The following CREB5 variants were observed in gnomAD, a reference collection of about 807,000 sequenced individuals.
CREB5 encodes the protein cAMP responsive element binding protein 5, also known as cyclic AMP-responsive element-binding protein 5.
In CREB5, 19 loss-of-function variants were observed where a neutral mutation model predicts 57.1. The observed-to-expected ratio is 0.33, with a 90% confidence interval of 0.23 to 0.49. The LOEUF (loss-of-function observed/expected upper bound fraction) is 0.49, where lower values mean the gene tolerates loss of function less well. CREB5 is among the 20% of genes least tolerant of loss of function. The probability of loss-of-function intolerance (pLI) is 0.99; values close to 1 mark genes in which losing one functional copy is unlikely to be tolerated. For synonymous variants in CREB5, 238 were observed against 238.3 expected (o/e 1.00, Z 0.01); for missense variants, 579 against 671.6 (o/e 0.86, Z 1.52).
chr7:28,458,098 A>G (rs1416871062), intron 1 of CREB5, among the ~76,000 whole-genome samples: 1 of 152,184 alleles, frequency 6.6e-6, no homozygotes, highest in Non-Finnish European at 1.5e-5. Flanking sequence ...GGGGGCCAAG[A>G]CAGAACCCTG....
intron 5 of CREB5, among the ~76,000 whole-genome samples, chr7:28,637,170 A>C (rs902401047): frequency 2.6e-5 from 4 of 152,104 alleles, no homozygotes; most frequent in African/African-American, 9.7e-5. Flanking sequence ...CAAAACAAAA[A>C]AAGAAAGAAA....
rs1792945794 is a variant in CREB5, at chr7:28,516,216, T to TA, written c.291+8479_291+8480insA. The stretch of plus-strand genomic sequence containing the variant: ...GACAGAGCGACACCTTGTATTTTTT[T>TA]TAAAAAAAAAGTAAAGAAAACAATT... On this transcript the variant is annotated intron_variant, in intron 4 of 10. Coordinates refer to ENST00000357727, the MANE Select transcript of CREB5 (RefSeq NM_182898.4). Among the ~76,000 whole-genome samples the TA allele has an allele frequency of 2.0e-4, 30 of 151,522 alleles. 2 individuals carry two copies. Among genetic ancestry groups the TA allele is most frequent in the East Asian group, 3.9e-4 (2 of 5,150 alleles).
intron 7 of CREB5, among the ~76,000 whole-genome samples, chr7:28,775,187 T>C (rs1806548751): frequency 6.6e-6 from 1 of 152,110 alleles, no homozygotes; most frequent in South Asian, 2.1e-4. Context: ...CCTTGACATA[T>C]TTTATTTTCG....
At chr7:28,464,067 T>G (rs1018561138) in intron 1 of CREB5, among the ~76,000 whole-genome samples, 1 of 152,198 alleles carries the variant, frequency 6.6e-6, no homozygotes, top group Non-Finnish European at 1.5e-5. Flanking sequence ...TGTGTAGTTT[T>G]TCTTTTTGTA....
At chr7:28,450,707 G>A (rs1025290243) in intron 1 of CREB5, among the ~76,000 whole-genome samples, 1 of 152,210 alleles carries the variant, frequency 6.6e-6, no homozygotes, top group African/African-American at 2.4e-5. Context: ...CAGGGTGGCA[G>A]GAGATAAGCA....
chr7:28,541,125 G>T (rs1337670154), intron 4 of CREB5, among the ~76,000 whole-genome samples: 6 of 152,222 alleles, frequency 3.9e-5, no homozygotes, highest in East Asian at 1.9e-4. Flanking sequence ...GACCTAATTT[G>T]ATTGCTTGCA....
intron 4 of CREB5, among the ~76,000 whole-genome samples, chr7:28,558,579 G>A (rs1332944123): frequency 6.6e-6 from 1 of 152,150 alleles, no homozygotes; most frequent in African/African-American, 2.4e-5. Flanking sequence ...CAGAATGCAG[G>A]TGCCCAACCA....
chr7:28,646,181 G>T (rs768080125), intron 5 of CREB5, among the ~76,000 whole-genome samples: 5 of 152,014 alleles, frequency 3.3e-5, no homozygotes, highest in Non-Finnish European at 5.9e-5. Context: ...ATTTTCTATC[G>T]GTTCTGTTTC....
At chr7:28,481,319 G>GATATCTTT (rs1791322459) in intron 1 of CREB5, among the ~76,000 whole-genome samples, 3 of 152,168 alleles carry the variant, frequency 2.0e-5, no homozygotes, top group African/African-American at 7.2e-5. Context: ...GGATACCAGG[G>GATATCTTT]GATGGCAAAT....
intron 1 of CREB5, among the ~76,000 whole-genome samples, chr7:28,423,794 A>G (rs1435792776): frequency 6.6e-6 from 1 of 152,190 alleles, no homozygotes; most frequent in East Asian, 1.9e-4. Context: ...CCGTGGCAGT[A>G]CAGCTTTGGT....
intron 4 of CREB5, among the ~76,000 whole-genome samples, chr7:28,533,856 T>C (rs1457531922): frequency 6.6e-6 from 1 of 152,148 alleles, no homozygotes; most frequent in Admixed American, 6.6e-5. Flanking sequence ...TTCTCCTAAA[T>C]GGTGCTACAT....
chr7:28,808,906 C>T (rs1416702450), intron 8 of CREB5, among the ~76,000 whole-genome samples: 4 of 152,034 alleles, frequency 2.6e-5, no homozygotes, highest in African/African-American at 7.2e-5. Context: ...TACCATGATT[C>T]GGCCAAATGC....
At chr7:28,445,615 G>T (rs185852856) in intron 1 of CREB5, among the ~76,000 whole-genome samples, 15 of 151,670 alleles carry the variant, frequency 9.9e-5, no homozygotes, top group African/African-American at 3.4e-4. Flanking sequence ...GCAGTGGCGC[G>T]ATCTCGGCTC....
chr7:28,637,677 C>T (rs1302228792), intron 5 of CREB5, among the ~76,000 whole-genome samples: 13 of 152,070 alleles, frequency 8.5e-5, no homozygotes, highest in African/African-American at 1.2e-4. Flanking sequence ...AACAACAGGA[C>T]GAAGGCACTT....
chr7:28,372,876 G>A (rs1786735165), intron 1 of CREB5, among the ~76,000 whole-genome samples: 1 of 152,138 alleles, frequency 6.6e-6, no homozygotes, highest in African/African-American at 2.4e-5. Flanking sequence ...TTAAAATATA[G>A]AGCTGCCTAG....
At chr7:28,560,829 C>CGTGCGTGCGTGT (rs1562797035) in intron 4 of CREB5, among the ~76,000 whole-genome samples, 1 of 65,180 alleles carries the variant, frequency 1.5e-5, no homozygotes, top group African/African-American at 6.1e-5. Flanking sequence ...TGTGCGCGCG[C>CGTGCGTGCGTGT]GCGCGTGTGT....
At chr7:28,724,451 A>C (rs1803224776) in intron 7 of CREB5, 119 bp downstream of exon 7, 2 of 798,098 alleles carry the variant, frequency 2.5e-6, no homozygotes, top group South Asian at 3.1e-5. Context: ...TTGGTGAATG[A>C]AAGGCAGTGC....
chr7:28,341,375 T>A lies in CREB5; in HGVS notation c.-25+41934T>A, dbSNP rs1159429790. Among the ~76,000 whole-genome samples, 10 of 152,352 alleles carry A rather than the reference T, an allele frequency of 6.6e-5. No homozygotes were observed. In the East Asian group the frequency reaches 1.9e-3, roughly 29 times the overall value. ...ATAATTCTGGAACTAAACTTTGTTC[T>A]CAATTATACCAGTCATTCACACCCA... On this transcript the variant is annotated intron_variant, in intron 1 of 9. Coordinates refer to the CREB5 transcript ENST00000396299.
intron 5 of CREB5, among the ~76,000 whole-genome samples, chr7:28,633,942 G>A (rs1289919072): frequency 6.6e-6 from 1 of 152,182 alleles, no homozygotes; most frequent in African/African-American, 2.4e-5. Flanking sequence ...CCAGGAGTCT[G>A]CCTCTTAAAG....
Sources: allele counts gnomAD v4.1 joint callset (sites outside exome capture counted in the v4.1 genomes callset), GRCh38; gene constraint gnomAD v4.1.1; transcripts MANE v1.5; gene names NCBI Gene and HGNC (gene_info 2026-07-23, HGNC 2026-07-21).